Variants in SAMMSON observed in about 807,000 individuals in gnomAD.
The protein encoded by SAMMSON is long intergenic non-protein coding RNA 1212.
chr3:70,108,423 C>CTTTT lies in SAMMSON; in HGVS notation n.507+36873_507+36876dup, dbSNP rs61561713. Among the ~76,000 whole-genome samples the CTTTT allele has an allele frequency of 9.9e-3, 886 of 89,346 alleles. 72 individuals carry two copies. Among genetic ancestry groups the CTTTT allele is most frequent in the South Asian group, 0.051 (98 of 1,916 alleles). 58.6% of individuals were successfully genotyped at this position (89,346 alleles called of 152,430 possible). Reference sequence around the variant, plus strand: ...TAGTGTTTCTCAACTCTTGCGGTTCCTTTTTTTTTTTTTTTTTTATCATAA... The same window carrying CTTTT: ...TAGTGTTTCTCAACTCTTGCGGTTCCTTTTTTTTTTTTTTTTTTTTTTATCATAA... On this transcript the variant is annotated intron_variant and non_coding_transcript_variant, in intron 4 of 9. Coordinates refer to ENST00000642114, the Ensembl canonical transcript of SAMMSON.
At chr3:70,289,466 A>G (rs1384615233) in intron 6 of SAMMSON, among the ~76,000 whole-genome samples, 5 of 149,360 alleles carry the variant, frequency 3.3e-5, no homozygotes, top group African/African-American at 4.9e-5. Flanking sequence ...AGGGTAACCC[A>G]ACCTTTCTCT....
intron 4 of SAMMSON, among the ~76,000 whole-genome samples, chr3:70,105,183 C>T (rs2067362802): frequency 1.3e-5 from 2 of 152,068 alleles, no homozygotes; most frequent in Admixed American, 1.3e-4. Flanking sequence ...AGTAATCTTT[C>T]CATTGACTAA....
At chr3:70,181,994 C>T (rs571970017) in intron 4 of SAMMSON, among the ~76,000 whole-genome samples, 10 of 152,098 alleles carry the variant, frequency 6.6e-5, no homozygotes, top group African/African-American at 2.2e-4. Context: ...GAGTAGTCTT[C>T]AGAATCACAG....
intron 3 of SAMMSON, chr3:70,013,681 T>C (rs2066968537): frequency 6.6e-6 from 1 of 152,112 alleles, no homozygotes; most frequent in Non-Finnish European, 1.5e-5. Flanking sequence ...AGGTAAATAA[T>C]TTAACATATT....
downstream of SAMMSON, among the ~76,000 whole-genome samples, chr3:70,391,902 A>T (rs2106757682): frequency 6.6e-6 from 1 of 152,300 alleles, no homozygotes; most frequent in South Asian, 2.1e-4. Flanking sequence ...GAATAGATTC[A>T]TGCAACAATA....
intron 4 of SAMMSON, among the ~76,000 whole-genome samples, chr3:70,199,276 A>G (rs1185248892): frequency 6.6e-6 from 1 of 152,102 alleles, no homozygotes; most frequent in Non-Finnish European, 1.5e-5. Context: ...ATTTCCTGAG[A>G]GTGTACAACC....
chr3:70,433,485 C>T (rs1701432489), intron 2 of SAMMSON, among the ~76,000 whole-genome samples: 1 of 151,866 alleles, frequency 6.6e-6, no homozygotes, highest in African/African-American at 2.4e-5. Flanking sequence ...AGATCTTTTG[C>T]CTGTTTTTTA....
intron 3 of SAMMSON, among the ~76,000 whole-genome samples, chr3:70,023,300 CA>C (rs556380556): frequency 5.4e-4 from 78 of 143,782 alleles, no homozygotes; most frequent in Middle Eastern, 7.2e-3. Context: ...AGTAAAAATA[CA>C]AAAAAAAAAA....
At chr3:70,191,573 T>C (rs1287250887) in intron 4 of SAMMSON, among the ~76,000 whole-genome samples, 1 of 152,258 alleles carries the variant, frequency 6.6e-6, no homozygotes, top group Non-Finnish European at 1.5e-5. Flanking sequence ...TTATTACTTA[T>C]TGGGTACGTA....
chr3:70,070,033 T>A (rs1301936029), intron 3 of SAMMSON: 1 of 152,126 alleles, frequency 6.6e-6, no homozygotes. Flanking sequence ...AAGTTATAGA[T>A]CTGAATTTTA....
intron 4 of SAMMSON, among the ~76,000 whole-genome samples, chr3:70,246,934 C>T (rs538141299): frequency 3.3e-5 from 5 of 151,632 alleles, no homozygotes; most frequent in South Asian, 2.1e-4. Flanking sequence ...TTCAATAATT[C>T]GTAATTATAG....
In SAMMSON at chr3:70,257,240, T is replaced by G. The variant is rs572140461; in HGVS notation, n.674+7570T>G. ...CTTTGGCAAACCCTTCCCCATTCCT[T>G]AAAACCTGGCACATCTGGCCATTCA... On this transcript the variant is annotated intron_variant and non_coding_transcript_variant, in intron 6 of 9. Coordinates refer to ENST00000642114, the Ensembl canonical transcript of SAMMSON. Among the ~76,000 whole-genome samples, 5 of 152,342 alleles carry G rather than the reference T, an allele frequency of 3.3e-5. No individual in the cohort carries two copies. In the East Asian group the frequency reaches 7.7e-4, roughly 24 times the overall value.
intron 6 of SAMMSON, among the ~76,000 whole-genome samples, chr3:70,283,303 T>C (rs1702107119): frequency 6.6e-6 from 1 of 152,028 alleles, no homozygotes. Flanking sequence ...GTGTTTTCAA[T>C]GCACTGTGCC....
At chr3:70,293,909 C>A (rs1332066193) in intron 7 of SAMMSON, among the ~76,000 whole-genome samples, 5 of 152,056 alleles carry the variant, frequency 3.3e-5, no homozygotes, top group African/African-American at 1.2e-4. Flanking sequence ...CCTAAAGAGA[C>A]CCTTGGAGCC....
At chr3:70,346,307 C>G (rs1029281220) in intron 7 of SAMMSON, among the ~76,000 whole-genome samples, 11 of 107,530 alleles carry the variant, frequency 1.0e-4, no homozygotes, top group Non-Finnish European at 1.9e-4. Flanking sequence ...ATCTTTTGCT[C>G]ATTGTTTTTT....
intron 6 of SAMMSON, among the ~76,000 whole-genome samples, chr3:70,285,868 G>T (rs1184832367): frequency 6.6e-6 from 1 of 151,982 alleles, no homozygotes; most frequent in Non-Finnish European, 1.5e-5. Flanking sequence ...TTTGAGAAGT[G>T]TCTGTTCATG....
At chr3:70,248,022 T>G (rs1559544337) in intron 4 of SAMMSON, among the ~76,000 whole-genome samples, 1 of 152,000 alleles carries the variant, frequency 6.6e-6, no homozygotes, top group Non-Finnish European at 1.5e-5. Context: ...CGATCCATCT[T>G]TGTAGTATTT....
At chr3:69,999,764 A>C (rs550330046), upstream of SAMMSON, 1 of 152,420 alleles carries the variant, frequency 6.6e-6, no homozygotes, top group Non-Finnish European at 1.5e-5. Flanking sequence ...TAGACATTTG[A>C]GGAACACATC....
chr3:70,311,779 C>T (rs1702455659), intron 7 of SAMMSON: 2 of 388,996 alleles, frequency 5.1e-6, no homozygotes, highest in Non-Finnish European at 9.1e-6. Context: ...AGAAGTACTA[C>T]TATTTGAACG....
Sources: allele counts gnomAD v4.1 joint callset (sites outside exome capture counted in the v4.1 genomes callset), GRCh38; gene constraint gnomAD v4.1.1; transcripts MANE v1.5; gene names NCBI Gene and HGNC (gene_info 2026-07-23, HGNC 2026-07-21).